The following TBRG1 variants were observed in gnomAD, a reference collection of about 807,000 sequenced individuals.
The protein encoded by TBRG1 is nuclear interactor of ARF and MDM2.
Under a neutral mutation model 44.0 loss-of-function variants are expected in TBRG1, and 31 were observed. That is an observed-to-expected ratio of 0.70 (90% confidence interval 0.53 to 0.95). TBRG1 has a LOEUF of 0.95. Among genes scored for constraint, TBRG1 ranks in the 40% least tolerant of loss-of-function variants. The pLI is 0.00. For synonymous variants in TBRG1, 171 were observed against 188.1 expected (o/e 0.91, Z 0.74); for missense variants, 487 against 496.1 (o/e 0.98, Z 0.18).
Position 124,635,111 on chromosome 11 carries a change from T to G in TBRG1, c.*2873T>G, listed in dbSNP as rs530471634. The G allele has an allele frequency of 6.6e-6, 1 of 152,342 alleles. No individual in the cohort carries two copies. The highest frequency in any genetic ancestry group is 1.5e-5 in the Non-Finnish European group (1 of 68,038). The allele number at this position is 152,342 out of a possible 1,614,324, so 9.4% of individuals were successfully genotyped here. ...TCCTGGAGGTGAAAGGAATCTGGACTTAGAGTTCTTGGCTACCTCTGGCTG... is the reference window on the plus strand; with the variant it reads ...TCCTGGAGGTGAAAGGAATCTGGACGTAGAGTTCTTGGCTACCTCTGGCTG... On this transcript the variant is annotated 3_prime_UTR_variant, in exon 9 of 9. Coordinates refer to ENST00000441174, the MANE Select transcript of TBRG1 (RefSeq NM_032811.3).
intron 4 of TBRG1, 132 bp from the exon 5 acceptor site, chr11:124,626,772 A>G: frequency 6.8e-7 from 1 of 1,467,356 alleles, no homozygotes; most frequent in Non-Finnish European, 9.3e-7. Flanking sequence ...TCTGCTACAC[A>G]GCCTACTCTC....
rs1041142922 is a variant in TBRG1, at chr11:124,634,390, T to G, written c.*2152T>G. On this transcript the variant is annotated 3_prime_UTR_variant, in exon 9 of 9. Transcript: ENST00000441174. ...ACTGCCTTAGTATACTTAAACTATC[T>G]TTTCATCTATCAGATTGTTAAGGAT... 8.5e-5 allele frequency: 13 copies of G among 152,096 alleles called. No homozygotes were observed. The highest frequency in any genetic ancestry group is 7.9e-4 in the Admixed American group (12 of 15,280). 9.4% of individuals were successfully genotyped at this position (152,096 alleles called of 1,614,324 possible). A position where few individuals can be genotyped will look rare whatever the true frequency, so the allele number is the denominator to read the frequency against.
At chr11:124,625,541 A>T in intron 2 of TBRG1, 130 bp from the exon 3 acceptor site, 1 of 813,880 alleles carries the variant, frequency 1.2e-6, no homozygotes, top group Non-Finnish European at 1.9e-6. Context: ...ATAGGGCCTA[A>T]TAAGAACCTT....
chr11:124,626,623 GC>G lies in TBRG1; in HGVS notation c.591+15del, dbSNP rs1565399542. On this transcript the variant is annotated intron_variant, in intron 4 of 8. Coordinates refer to ENST00000441174, the MANE Select transcript of TBRG1 (RefSeq NM_032811.3). ...AGCCTGGGGGAGGTGAGTGAGACCA[GC>G]GATATATAGAGAGGAGAATCAGGGA... is the stretch of plus-strand genomic sequence containing the variant. 6.4e-7 allele frequency: 1 copy of G among 1,551,544 alleles called. No homozygotes were observed.
Position 124,632,208 on chromosome 11 carries a change from A to G in TBRG1, c.1206A>G (p.Ser402=), listed in dbSNP as rs777963394. The G allele has an allele frequency of 2.5e-6, 4 of 1,613,840 alleles. No homozygotes were observed. In the Admixed American group the frequency reaches 6.7e-5, roughly 27 times the overall value. The change falls in exon 9 of 9, where the codon TCA becomes TCG. Residue 402 remains serine (S), a synonymous_variant. Coordinates refer to ENST00000441174, the MANE Select transcript of TBRG1 (RefSeq NM_032811.3). ...DTHLQHLKSP[S]QGSPIQSSD ...ACCTGCAGCACTTGAAGTCTCCATC[A>G]CAGGGTAGCCCAATTCAGTCTTCAG... is the stretch of plus-strand genomic sequence containing the variant.
At chr11:124,623,427 T>A (rs1410276623) in intron 1 of TBRG1, 194 bp downstream of exon 1, 1 of 711,780 alleles carries the variant, frequency 1.4e-6, no homozygotes, top group African/African-American at 1.7e-5. Context: ...AATGAGCTAG[T>A]AACTGTCTTG....
Position 124,626,810 on chromosome 11 carries a change from C to T in TBRG1, c.592-94C>T, listed in dbSNP as rs1942486006. On this transcript the variant is annotated intron_variant, in intron 4 of 8. Coordinates refer to ENST00000441174, the MANE Select transcript of TBRG1 (RefSeq NM_032811.3). The stretch of plus-strand genomic sequence containing the variant: ...TCTTTGTGTGATTTGTCACTCTTTG[C>T]AGCCCCAAAGTGGTTCTAAAGGCTA... 2.6e-6 allele frequency: 4 copies of T among 1,538,228 alleles called. No homozygotes were observed. The South Asian group carries it at 3.6e-5, about 14-fold the overall frequency.
At chr11:124,623,368 C>T (rs558684647) in intron 1 of TBRG1, 135 bp downstream of exon 1, 3 of 971,908 alleles carry the variant, frequency 3.1e-6, no homozygotes, top group Non-Finnish European at 3.2e-6. Context: ...TACTTGTTAG[C>T]CTTGTGTCCT....
intron 1 of TBRG1, 63 bp from the exon 2 acceptor site, chr11:124,624,868 C>G: frequency 2.6e-6 from 3 of 1,144,540 alleles, no homozygotes; most frequent in Non-Finnish European, 1.2e-6. Flanking sequence ...GATCCTCTTC[C>G]CAGCATAATA....
rs529056741 is a variant in TBRG1 at position 124,633,633 on chromosome 11, G to C, written c.*1395G>C. On this transcript the variant is annotated 3_prime_UTR_variant, in exon 9 of 9. Coordinates refer to ENST00000441174, the MANE Select transcript of TBRG1 (RefSeq NM_032811.3). ...GTAAACTGAGAAGCTAAGTTAACTG[G>C]TATTTTATGATTTTGAGTATAGTCT... 13 of 152,182 alleles carry C rather than the reference G, an allele frequency of 8.5e-5. No homozygotes were observed. The highest frequency in any genetic ancestry group is 1.9e-4 in the Non-Finnish European group (13 of 68,036). The allele number at this position is 152,182 out of a possible 1,614,324, so 9.4% of individuals were successfully genotyped here. A position where few individuals can be genotyped will look rare whatever the true frequency, so the allele number is the denominator to read the frequency against.
intron 1 of TBRG1, 122 bp from the exon 2 acceptor site, chr11:124,624,809 G>A (rs917270998): frequency 2.5e-5 from 17 of 686,612 alleles, no homozygotes; most frequent in African/African-American, 3.7e-5. Flanking sequence ...TCACACGGTC[G>A]AATAGCTCCT....
At position 124,630,652 on chromosome 11, in the gene TBRG1, C is replaced by A; in HGVS notation, c.837-93C>A. The A allele has an allele frequency of 2.8e-6, 3 of 1,080,800 alleles. No homozygotes were observed. In the East Asian group the frequency reaches 7.5e-5, roughly 27 times the overall value. The allele number at this position is 1,080,800 out of a possible 1,614,324, so 67.0% of individuals were successfully genotyped here. On this transcript the variant is annotated intron_variant, in intron 6 of 8. Coordinates refer to ENST00000441174, the MANE Select transcript of TBRG1 (RefSeq NM_032811.3). ...CTCCACATTATCAAAGTCAAGAAAG[C>A]TTATCCTGTTTGTTCATACCACTAT... is the stretch of plus-strand genomic sequence containing the variant.
chr11:124,633,524 G>C lies in TBRG1; in HGVS notation c.*1286G>C, dbSNP rs778349390. On this transcript the variant is annotated 3_prime_UTR_variant, in exon 9 of 9. Coordinates refer to ENST00000441174, the MANE Select transcript of TBRG1 (RefSeq NM_032811.3). Reference sequence around the variant, plus strand: ...ATTGCCAATTGAGGACAACACAAATGGGATTGGTACTTTATAGTAATAAAT... The same window carrying C: ...ATTGCCAATTGAGGACAACACAAATCGGATTGGTACTTTATAGTAATAAAT... 2 of 152,208 alleles carry C rather than the reference G, an allele frequency of 1.3e-5. No homozygotes were observed. Among genetic ancestry groups the C allele is most frequent in the East Asian group, 3.8e-4 (2 of 5,198 alleles). The allele number at this position is 152,208 out of a possible 1,614,324, so 9.4% of individuals were successfully genotyped here.
At position 124,635,861 on chromosome 11, in the gene TBRG1, C is replaced by CTGTT. The variant is rs760886317; in HGVS notation, c.*3625_*3628dup. The CTGTT allele has an allele frequency of 6.6e-6, 1 of 152,142 alleles. No homozygotes were observed. The highest frequency in any genetic ancestry group is 1.5e-5 in the Non-Finnish European group (1 of 68,006). The allele number at this position is 152,142 out of a possible 1,614,324, so 9.4% of individuals were successfully genotyped here. ...TAACATAATTTTCAGACAATGTTAG[C>CTGTT]TGTTTTTAATCCATCAGTAAACTGC... On this transcript the variant is annotated 3_prime_UTR_variant, in exon 9 of 9. Coordinates refer to ENST00000441174, the MANE Select transcript of TBRG1 (RefSeq NM_032811.3).
intron 1 of TBRG1, 197 bp downstream of exon 1, chr11:124,623,430 C>G (rs1457163856): frequency 1.4e-6 from 1 of 706,610 alleles, no homozygotes; most frequent in East Asian, 2.8e-5. Flanking sequence ...GAGCTAGTAA[C>G]TGTCTTGCAG....
In TBRG1 at chr11:124,632,569, C is replaced by T. The variant is rs1350189136; in HGVS notation, c.*331C>T. 1 of 189,644 alleles carries T rather than the reference C, an allele frequency of 5.3e-6. No homozygotes were observed. Among genetic ancestry groups the T allele is most frequent in the Non-Finnish European group, 1.1e-5 (1 of 91,904 alleles). The allele number at this position is 189,644 out of a possible 1,614,324, so 11.7% of individuals were successfully genotyped here. A position where few individuals can be genotyped will look rare whatever the true frequency, so the allele number is the denominator to read the frequency against. ...AGGCTGCTACAACAAATACCATAGA[C>T]AGGTTGGTTTATAAATAACATGAAT... On this transcript the variant is annotated 3_prime_UTR_variant, in exon 9 of 9. Transcript: ENST00000441174.
At chr11:124,631,207 T>G in intron 7 of TBRG1, 68 bp from the exon 8 acceptor site, 1 of 1,432,904 alleles carries the variant, frequency 7.0e-7, no homozygotes, top group Non-Finnish European at 9.4e-7. Context: ...CCTGATCCCT[T>G]TAGTGATAGG....
Position 124,625,900 on chromosome 11 carries a change from G to T in TBRG1, c.451G>T (p.Glu151Ter). The change falls in exon 3 of 9, where the codon GAA (glutamate) becomes TAA (stop). Residue 151 changes from glutamate to a stop codon, truncating the protein, a stop_gained. Coordinates refer to ENST00000441174, the MANE Select transcript of TBRG1 (RefSeq NM_032811.3). LOFTEE classifies it high-confidence loss of function. ...AAAAGGCAAAGAGAACAACAAACTG[G>T]AAGGTACTTTGGGGAGATGATATCA... ...KEKGKENNKL[E>*]VLKKTCKKKK... 6.3e-7 allele frequency: 1 copy of T among 1,574,876 alleles called. No individual in the cohort carries two copies. Among genetic ancestry groups the T allele is most frequent in the Non-Finnish European group, 8.6e-7 (1 of 1,163,050 alleles).
At chr11:124,625,034 C>T in intron 2 of TBRG1, 33 bp downstream of exon 2, 1 of 1,435,486 alleles carries the variant, frequency 7.0e-7, no homozygotes, top group Non-Finnish European at 9.5e-7. Flanking sequence ...TCAGCATCAC[C>T]TTTTTGGTGA....
Sources: gnomAD v4.1 joint callset for allele counts on GRCh38, gnomAD v4.1.1 for gene constraint, MANE v1.5 for transcripts, NCBI Gene and HGNC (gene_info 2026-07-23, HGNC 2026-07-21) for gene names.